Variants in TRIM52 observed in about 807,000 individuals in gnomAD.
TRIM52 encodes tripartite motif containing 52.
Under a neutral mutation model 27.0 loss-of-function variants are expected in TRIM52, and 24 were observed. The ratio of observed to expected loss-of-function variants is 0.89; its 90% confidence interval spans 0.64 to 1.25. The LOEUF (loss-of-function observed/expected upper bound fraction) is 1.25. TRIM52 is among the 50% of genes most tolerant of loss of function. The probability of loss-of-function intolerance (pLI) is 0.00; values close to 1 mark genes in which losing one functional copy is unlikely to be tolerated. For synonymous variants in TRIM52, 125 were observed against 126.5 expected (o/e 0.99, Z 0.08); for missense variants, 351 against 354.7 (o/e 0.99, Z 0.08).
Position 181,260,457 on chromosome 5 carries a change from A to G in TRIM52, c.357T>C (p.Tyr119=), listed in dbSNP as rs1285189117. ...CTTCTTCTTCCTCCTCGTCCCACAT[A>G]TAGTCTACGTTGTCCCAATTAGTTA... ...SGITNWDNVD[Y]MWDEEEEEEE... is the part of the protein sequence containing the mutation. Residue 119 remains tyrosine (Y), a synonymous_variant, in exon 1 of 2, where the codon TAT becomes TAC. Transcript: ENST00000688015. The surrounding 1 kb of genome is among the most constrained non-coding windows in gnomAD (Gnocchi z 4.4). The G allele has an allele frequency of 6.2e-7, 1 of 1,613,358 alleles. No homozygotes were observed. Among genetic ancestry groups the G allele is most frequent in the East Asian group, 2.2e-5 (1 of 44,852 alleles).
chr5:181,260,460 G>C lies in TRIM52; in HGVS notation c.354C>G (p.Asp118Glu). 1 of 1,613,500 alleles carries C rather than the reference G, an allele frequency of 6.2e-7. No individual in the cohort carries two copies. Among genetic ancestry groups the C allele is most frequent in the Non-Finnish European group, 8.5e-7 (1 of 1,179,946 alleles). Residue 118 changes from aspartate (D) to glutamate (E), a missense_variant, in exon 1 of 2, where the codon GAC becomes GAG. Transcript: ENST00000688015. This position sits in a 1 kb window ranked among gnomAD's most constrained non-coding sequence, Gnocchi z 4.4. ...CTTCTTCCTCCTCGTCCCACATATA[G>C]TCTACGTTGTCCCAATTAGTTATAC... ...DSGITNWDNV[D>E]YMWDEEEEEE... is the part of the protein sequence containing the mutation.
chr5:181,251,679 C>T (rs1446759860), downstream of TRIM52, among the ~76,000 whole-genome samples: 1 of 152,024 alleles, frequency 6.6e-6, no homozygotes, highest in Non-Finnish European at 1.5e-5. Flanking sequence ...CCAGGATTCT[C>T]ATACCACACT....
intron 1 of TRIM52, chr5:181,257,881 T>TTGGGAGGCTGAGGCAGGAAAA (rs1361010992): frequency 6.5e-6 from 1 of 153,902 alleles, no homozygotes; most frequent in Non-Finnish European, 1.4e-5. Flanking sequence ...TCCCAGCTAC[T>TTGGGAGGCTGAGGCAGGAAAA]TGGGAGGCTG....
At chr5:181,258,963 C>T (rs965996357) in intron 1 of TRIM52, 8 of 152,240 alleles carry the variant, frequency 5.3e-5, no homozygotes, top group Admixed American at 4.6e-4. Context: ...ACGTGAGCAG[C>T]GGCTGCTGCA....
downstream of TRIM52, among the ~76,000 whole-genome samples, chr5:181,251,650 T>C (rs1759636200): frequency 6.6e-6 from 1 of 152,138 alleles, no homozygotes; most frequent in Admixed American, 6.5e-5. Context: ...AGAGCAGAAA[T>C]GAGCTCACTG....
chr5:181,259,739 G>C (rs1759947698), intron 1 of TRIM52: 1 of 614,072 alleles, frequency 1.6e-6, no homozygotes, highest in African/African-American at 1.9e-5. Flanking sequence ...GCCAGTATTA[G>C]CAGTAGTGGT....
chr5:181,249,827 G>GTTTTTTTTTTTTT (rs1237894738), downstream of TRIM52, among the ~76,000 whole-genome samples: 1 of 128,458 alleles, frequency 7.8e-6, no homozygotes, highest in African/African-American at 3.0e-5. Flanking sequence ...ATCACTTGCA[G>GTTTTTTTTTTTTT]TTTTTTTTTT....
chr5:181,260,439 TTCC>T lies in TRIM52; in HGVS notation c.372_374del (p.Glu130del), dbSNP rs761198844. 3.9e-6 allele frequency: 6 copies of T among 1,549,820 alleles called. No individual in the cohort carries two copies. The South Asian group carries it at 4.6e-5, about 12-fold the overall frequency. ...AGTCCTGATCTTCCTCTTCTTCTTC[TTCC>T]TCCTCGTCCCACATATAGTCTACGT... On this transcript the variant is annotated inframe_deletion, in exon 1 of 2. Transcript: ENST00000688015. The surrounding 1 kb of genome is among the most constrained non-coding windows in gnomAD (Gnocchi z 4.4).
intron 1 of TRIM52, 191 bp downstream of exon 1, chr5:181,259,810 A>C (rs1171454311): frequency 7.5e-7 from 1 of 1,325,980 alleles, no homozygotes; most frequent in African/African-American, 1.5e-5. Flanking sequence ...AATCTGCCCC[A>C]ATCTTCATGG....
chr5:181,250,141 T>G (rs1759606185), downstream of TRIM52, among the ~76,000 whole-genome samples: 1 of 151,804 alleles, frequency 6.6e-6, no homozygotes, highest in Admixed American at 6.6e-5. Flanking sequence ...TGTTGTCTGT[T>G]GGGGCTTCCT....
chr5:181,260,317 T>C lies in TRIM52; in HGVS notation c.497A>G (p.Tyr166Cys), dbSNP rs1297856774. ...AYDEDEDEEL[Y>C]PDIHPPPSLP... ...GGAAGGAGGCGGGTGGATGTCAGGA[T>C]ACAGCTCTTCATCTTCGTCCTCATC... is the stretch of plus-strand genomic sequence containing the variant. The change falls in exon 1 of 2, where the codon TAT (tyrosine) becomes TGT (cysteine). Residue 166 changes from tyrosine (Y) to cysteine (C), a missense_variant. By Grantham distance (194) the Tyr-to-Cys change is radical. Coordinates refer to ENST00000688015, the MANE Select transcript of TRIM52 (RefSeq NM_001346048.2). The surrounding 1 kb of genome is among the most constrained non-coding windows in gnomAD (Gnocchi z 4.4). 1 of 1,614,018 alleles carries C rather than the reference T, an allele frequency of 6.2e-7. No individual in the cohort carries two copies. The highest frequency in any genetic ancestry group is 8.5e-7 in the Non-Finnish European group (1 of 1,180,032).
chr5:181,257,315 A>G, intron 1 of TRIM52: 1 of 1,382,888 alleles, frequency 7.2e-7, no homozygotes, highest in South Asian at 1.9e-5. Flanking sequence ...TTGACCTCAA[A>G]ACAATAAAAC....
intron 1 of TRIM52, chr5:181,257,593 T>C (rs1759837314): frequency 1.1e-5 from 10 of 894,570 alleles, no homozygotes; most frequent in Non-Finnish European, 1.4e-5. Context: ...AATAGTTCCT[T>C]GTACTGTTAA....
At chr5:181,259,764 C>T in intron 1 of TRIM52, 1 of 797,362 alleles carries the variant, frequency 1.3e-6, no homozygotes, top group Non-Finnish European at 1.9e-6. Context: ...TTCCAGTGAC[C>T]GTCATATTAT....
chr5:181,260,451 CCA>C lies in TRIM52; in HGVS notation c.361_362del (p.Trp121GlyfsTer21). 1 of 1,614,072 alleles carries C rather than the reference CCA, an allele frequency of 6.2e-7. No individual in the cohort carries two copies. Among genetic ancestry groups the C allele is most frequent in the Non-Finnish European group, 8.5e-7 (1 of 1,180,020 alleles). ...CCTCTTCTTCTTCTTCCTCCTCGTC[CCA>C]CATATAGTCTACGTTGTCCCAATTA... Reference protein sequence around the residue: ...ITNWDNVDYMWDEEEEEEEED... With the variant: ...ITNWDNVDYMXDEEEEEEEED... On this transcript the variant is annotated frameshift_variant, in exon 1 of 2. Transcript: ENST00000688015. LOFTEE classifies it high-confidence loss of function. This position sits in a 1 kb window ranked among gnomAD's most constrained non-coding sequence, Gnocchi z 4.4.
downstream of TRIM52, among the ~76,000 whole-genome samples, chr5:181,252,323 G>T (rs1759653413): frequency 6.6e-6 from 1 of 152,160 alleles, no homozygotes. Flanking sequence ...AATAGGATTT[G>T]ATAGCCACTA....
Position 181,260,302 on chromosome 5 carries a change from G to A in TRIM52, c.512C>T (p.Pro171Leu), listed in dbSNP as rs1261157897. The A allele has an allele frequency of 6.2e-6, 10 of 1,614,148 alleles. No individual in the cohort carries two copies. The highest frequency in any genetic ancestry group is 8.5e-6 in the Non-Finnish European group (10 of 1,180,040). ...EDEELYPDIH[P>L]PPSLPLPGQF... Reference sequence around the variant, plus strand: ...CCCTGGAAGGGGCAAGGAAGGAGGCGGGTGGATGTCAGGATACAGCTCTTC... The same window carrying A: ...CCCTGGAAGGGGCAAGGAAGGAGGCAGGTGGATGTCAGGATACAGCTCTTC... Residue 171 changes from proline (P) to leucine (L), a missense_variant, in exon 1 of 2, where the codon CCG becomes CTG. Physicochemically the swap from Pro to Leu is moderately conservative, Grantham distance 98 (BLOSUM62 -3). Transcript: ENST00000688015. The surrounding 1 kb of genome is among the most constrained non-coding windows in gnomAD (Gnocchi z 4.4).
downstream of TRIM52, among the ~76,000 whole-genome samples, chr5:181,251,002 G>A (rs567661514): frequency 1.3e-5 from 2 of 151,636 alleles, no homozygotes; most frequent in South Asian, 4.2e-4. Flanking sequence ...TAAGATGAGG[G>A]GAGATGGCTG....
downstream of TRIM52, among the ~76,000 whole-genome samples, chr5:181,252,200 C>T (rs530068806): frequency 2.0e-5 from 3 of 152,244 alleles, no homozygotes; most frequent in South Asian, 6.2e-4. Context: ...CCTACCGCTC[C>T]CAGCTGGAAA....
Sources: allele counts gnomAD v4.1 joint callset (sites outside exome capture counted in the v4.1 genomes callset), GRCh38; gene constraint gnomAD v4.1.1; non-coding constraint Gnocchi (gnomAD v3.1); transcripts MANE v1.5; gene names NCBI Gene and HGNC (gene_info 2026-07-23, HGNC 2026-07-21).